TRPC4: variants seen among roughly 807,000 people sequenced by gnomAD.
The protein encoded by TRPC4 is short transient receptor potential channel 4.
A neutral mutation model predicts 99.4 loss-of-function variants in TRPC4; 49 were observed. The observed-to-expected ratio is 0.49, with a 90% CI of 0.39 to 0.63. The LOEUF (loss-of-function observed/expected upper bound fraction) is 0.63. Among genes scored for constraint, TRPC4 ranks in the 20% least tolerant of loss-of-function variants. The pLI, the probability that TRPC4 is intolerant of heterozygous loss-of-function variation, is 0.00. For synonymous variants in TRPC4, 454 were observed against 425.9 expected, an observed-to-expected ratio of 1.07 and a Z score of -0.81; for missense variants, 898 against 1,152.9, an observed-to-expected ratio of 0.78 and a Z score of 3.20.
At chr13:37,755,266 T>TAAA (rs574162015) in intron 2 of TRPC4, among the ~76,000 whole-genome samples, 5 of 142,184 alleles carry the variant, frequency 3.5e-5, no homozygotes, top group Admixed American at 1.4e-4. Context: ...CCTGGCTCTT[T>TAAA]AAAAAAAAAA....
At chr13:37,867,444 T>C (rs1402914149) in intron 1 of TRPC4, among the ~76,000 whole-genome samples, 2 of 151,738 alleles carry the variant, frequency 1.3e-5, no homozygotes, top group East Asian at 3.9e-4. Flanking sequence ...TCCAAAAATA[T>C]ACACTTAAAA....
At chr13:37,664,891 G>T (rs1329649301) in intron 5 of TRPC4, among the ~76,000 whole-genome samples, 1 of 151,958 alleles carries the variant, frequency 6.6e-6, no homozygotes, top group Non-Finnish European at 1.5e-5. Flanking sequence ...TGTATTATAG[G>T]CTCCTGATCT....
intron 2 of TRPC4, among the ~76,000 whole-genome samples, chr13:37,755,421 T>A (rs1246928606): frequency 1.3e-4 from 2 of 15,066 alleles, no homozygotes. Context: ...CATACCTGGA[T>A]AATTTTTTTA....
intron 2 of TRPC4, among the ~76,000 whole-genome samples, chr13:37,760,487 C>G (rs921715055): frequency 6.6e-6 from 1 of 151,820 alleles, no homozygotes; most frequent in African/African-American, 2.4e-5. Flanking sequence ...CAAGAGGAAC[C>G]CATTTTCAGA....
Position 37,632,148 on chromosome 13 carries a change from A to C in TRPC4, c.*4755T>G, listed in dbSNP as rs1210371337. Among the ~76,000 whole-genome samples, 1 of 152,222 alleles carries C rather than the reference A, an allele frequency of 6.6e-6. No individual in the cohort carries two copies. The highest frequency in any genetic ancestry group is 1.5e-5 in the Non-Finnish European group (1 of 68,042). On this transcript the variant is annotated 3_prime_UTR_variant, in exon 11 of 11. Transcript: ENST00000379705. ...AGAATTTTCTACCTTTGCAATTCAG[A>C]TGATGGAGATACATGAGCTGACTGA...
At chr13:37,825,714 A>G (rs1330785558) in intron 1 of TRPC4, among the ~76,000 whole-genome samples, 1 of 147,414 alleles carries the variant, frequency 6.8e-6, no homozygotes, top group Non-Finnish European at 1.5e-5. Context: ...ATTTTGGAAT[A>G]GGTGTGGTGT....
chr13:37,696,577 A>G (rs905755230), intron 3 of TRPC4, among the ~76,000 whole-genome samples: 1 of 152,172 alleles, frequency 6.6e-6, no homozygotes, highest in Non-Finnish European at 1.5e-5. Context: ...TACTTTATCT[A>G]TCTTGACTGC....
chr13:37,732,965 G>T (rs1383669803), intron 3 of TRPC4, among the ~76,000 whole-genome samples: 3 of 152,112 alleles, frequency 2.0e-5, no homozygotes, highest in Non-Finnish European at 4.4e-5. Flanking sequence ...CATAGGAAAT[G>T]AAAAACAAAA....
intron 1 of TRPC4, among the ~76,000 whole-genome samples, chr13:37,835,143 T>A (rs1056877080): frequency 5.3e-5 from 8 of 152,074 alleles, no homozygotes; most frequent in Non-Finnish European, 1.0e-4. Flanking sequence ...ATATGAAACC[T>A]GTTTTCTAGC....
intron 1 of TRPC4, among the ~76,000 whole-genome samples, chr13:37,835,930 C>T (rs1958552545): frequency 6.6e-6 from 1 of 152,134 alleles, no homozygotes; most frequent in South Asian, 2.1e-4. Flanking sequence ...TTTGGCTCTG[C>T]CCCCACACAA....
rs886520586 is a variant in TRPC4, at chr13:37,766,103, A to C, written c.378+16853T>G. Among the ~76,000 whole-genome samples the C allele has an allele frequency of 1.1e-4, 16 of 151,600 alleles. 1 individual carries two copies. Among genetic ancestry groups the C allele is most frequent in the Admixed American group, 8.6e-4 (13 of 15,160 alleles). ...GTCCTATGATTGAAGGTTCTAATGAAGCCTACATGCAGTGAAATACATCTT... is the reference window on the plus strand; with the variant it reads ...GTCCTATGATTGAAGGTTCTAATGACGCCTACATGCAGTGAAATACATCTT... On this transcript the variant is annotated intron_variant, in intron 2 of 10. Transcript: ENST00000379705.
intron 2 of TRPC4, among the ~76,000 whole-genome samples, chr13:37,776,940 A>C (rs758418065): frequency 3.0e-4 from 46 of 151,938 alleles, no homozygotes; most frequent in Non-Finnish European, 6.3e-4. Context: ...TTTATTCAGC[A>C]GTGTATATTT....
chr13:37,731,313 G>A (rs1477843954), intron 3 of TRPC4, among the ~76,000 whole-genome samples: 1 of 151,942 alleles, frequency 6.6e-6, no homozygotes, highest in Non-Finnish European at 1.5e-5. Context: ...AATTCACACA[G>A]TCAGCACACA....
Position 37,651,397 on chromosome 13 carries a change from T to C in TRPC4, c.1947A>G (p.Glu649=), listed in dbSNP as rs114508439. The C allele has an allele frequency of 6.2e-7, 1 of 1,614,074 alleles. No individual in the cohort carries two copies. The highest frequency in any genetic ancestry group is 2.2e-5 in the East Asian group (1 of 44,874). The change falls in exon 8 of 11, where the codon GAA becomes GAG. Residue 649 remains glutamate, a synonymous_variant. Transcript: ENST00000379705. ...RTKLWMSYFE[E]GGTLPTPFNV... is the part of the protein sequence containing the mutation. ...TGAAGGGAGTAGGCAGAGTACCTCC[T>C]TCTTCAAAATAACTCATCCAAAGCT...
At chr13:37,801,652 A>G (rs1290378441) in intron 1 of TRPC4, among the ~76,000 whole-genome samples, 1 of 152,094 alleles carries the variant, frequency 6.6e-6, no homozygotes, top group Non-Finnish European at 1.5e-5. Flanking sequence ...GTCTTTGGGC[A>G]CTAAGTGGGT....
chr13:37,805,612 T>A (rs1041839687), intron 1 of TRPC4, among the ~76,000 whole-genome samples: 4 of 152,046 alleles, frequency 2.6e-5, no homozygotes, highest in African/African-American at 9.7e-5. Context: ...TCTTCTTTTG[T>A]AGGGTATGTT....
At chr13:37,869,258 C>T (rs1372787226) in intron 1 of TRPC4, among the ~76,000 whole-genome samples, 2 of 152,004 alleles carry the variant, frequency 1.3e-5, no homozygotes, top group South Asian at 4.1e-4. Flanking sequence ...AGCACCACGG[C>T]GTGGCTGCAG....
intron 3 of TRPC4, among the ~76,000 whole-genome samples, chr13:37,736,895 A>ATTTTTTTT (rs34176145): frequency 7.8e-6 from 1 of 127,744 alleles, no homozygotes; most frequent in African/African-American, 2.9e-5. Context: ...TGCCTGGCTA[A>ATTTTTTTT]TTTTTTTTTT....
chr13:37,827,264 C>T (rs1004631577), intron 1 of TRPC4, among the ~76,000 whole-genome samples: 3 of 152,206 alleles, frequency 2.0e-5, no homozygotes, highest in Non-Finnish European at 4.4e-5. Context: ...AAGCCTTCTT[C>T]TCTCAGCTCA....
Sources: allele counts gnomAD v4.1 joint callset (sites outside exome capture counted in the v4.1 genomes callset), GRCh38; gene constraint gnomAD v4.1.1; transcripts MANE v1.5; gene names NCBI Gene and HGNC (gene_info 2026-07-23, HGNC 2026-07-21).